Variants in TAFA2 observed in about 807,000 individuals in gnomAD.
The protein encoded by TAFA2 is TAFA chemokine like family member 2, also known as chemokine-like protein TAFA-2.
In TAFA2, 7 loss-of-function variants were observed where a neutral mutation model predicts 18.8. That is an observed-to-expected ratio of 0.37 (90% CI 0.21 to 0.70). TAFA2 has a LOEUF of 0.70. TAFA2 is among the 30% of genes least tolerant of loss of function. TAFA2 has a pLI of 0.53. For missense variants in TAFA2, 122 were observed against 158.1 expected (o/e 0.77, Z 1.23); for synonymous variants, 60 against 54.2 (o/e 1.11, Z -0.47).
intron 1 of TAFA2, among the ~76,000 whole-genome samples, chr12:61,956,925 C>A (rs866819207): frequency 2.4e-4 from 37 of 152,120 alleles, no homozygotes; most frequent in African/African-American, 7.0e-4. Flanking sequence ...AAATTACTCA[C>A]ACATTATCTA....
At chr12:61,712,895 G>A (rs1869480475) in intron 4 of TAFA2, among the ~76,000 whole-genome samples, 1 of 152,098 alleles carries the variant, frequency 6.6e-6, no homozygotes, top group East Asian at 1.9e-4. Context: ...CAGAATGGCA[G>A]TATTGCCATG....
chr12:62,063,742 A>G (rs1191583500), intron 1 of TAFA2, among the ~76,000 whole-genome samples: 1 of 152,154 alleles, frequency 6.6e-6, no homozygotes, highest in Admixed American at 6.6e-5. Context: ...CAAATTTCCT[A>G]TAATCAAAAA....
intron 1 of TAFA2, among the ~76,000 whole-genome samples, chr12:62,211,351 A>G (rs2062712479): frequency 6.6e-6 from 1 of 152,144 alleles, no homozygotes; most frequent in Admixed American, 6.5e-5. Context: ...AGGCCAAGGC[A>G]GGTGGATCAA....
intron 1 of TAFA2, among the ~76,000 whole-genome samples, chr12:62,138,266 A>G (rs964930944): frequency 1.3e-5 from 2 of 152,158 alleles, no homozygotes; most frequent in Non-Finnish European, 2.9e-5. Context: ...CCTAGGCAAC[A>G]CAGTGGGACC....
At chr12:62,229,328 T>A (rs1173103362) in intron 1 of TAFA2, among the ~76,000 whole-genome samples, 1 of 152,160 alleles carries the variant, frequency 6.6e-6, no homozygotes, top group Non-Finnish European at 1.5e-5. Flanking sequence ...TTTTTCCCCA[T>A]TCACTATAAT....
chr12:62,107,423 C>T (rs1344064143), intron 1 of TAFA2, among the ~76,000 whole-genome samples: 1 of 152,068 alleles, frequency 6.6e-6, no homozygotes, highest in Admixed American at 6.5e-5. Context: ...AATTCTGTCC[C>T]CAAAATAAAA....
intron 2 of TAFA2, among the ~76,000 whole-genome samples, chr12:61,793,128 T>C (rs1482473498): frequency 6.6e-6 from 1 of 151,556 alleles, no homozygotes; most frequent in Non-Finnish European, 1.5e-5. Context: ...AGGCACCTTA[T>C]AGCACTAAGC....
chr12:61,735,029 T>C (rs184569160), intron 4 of TAFA2, among the ~76,000 whole-genome samples: 8 of 152,086 alleles, frequency 5.3e-5, no homozygotes, highest in Non-Finnish European at 8.8e-5. Context: ...GTTCTTGGAG[T>C]TGTTTGGCCA....
At chr12:61,906,552 A>T (rs1029671472) in intron 1 of TAFA2, among the ~76,000 whole-genome samples, 5 of 152,162 alleles carry the variant, frequency 3.3e-5, no homozygotes, top group African/African-American at 9.7e-5. Flanking sequence ...ACAATATGAG[A>T]ACAGACTAAT....
chr12:62,258,777 AAT>A (rs1286779887), exon 1 of TAFA2: 12 of 370,058 alleles, frequency 3.2e-5, no homozygotes, highest in Admixed American at 6.5e-5. Context: ...ATGTAGCTCC[AAT>A]ATATGTTTTC....
intron 4 of TAFA2, among the ~76,000 whole-genome samples, chr12:61,730,892 T>C (rs1447674563): frequency 6.6e-6 from 1 of 152,114 alleles, no homozygotes; most frequent in African/African-American, 2.4e-5. Context: ...CCCTGTCTGT[T>C]GTGCCTTCTG....
chr12:61,799,745 C>T (rs1021699488), intron 2 of TAFA2, among the ~76,000 whole-genome samples: 1 of 152,108 alleles, frequency 6.6e-6, no homozygotes, highest in African/African-American at 2.4e-5. Flanking sequence ...TGGCATGAAC[C>T]CGGGAGGCGG....
At chr12:62,259,537 T>C (rs2062973104), upstream of TAFA2, 1 of 152,260 alleles carries the variant, frequency 6.6e-6, no homozygotes, top group Non-Finnish European at 1.5e-5. Flanking sequence ...TTTTCTATTT[T>C]GTAACATAAT....
At chr12:61,792,542 A>G (rs922212879) in intron 2 of TAFA2, among the ~76,000 whole-genome samples, 2 of 151,482 alleles carry the variant, frequency 1.3e-5, no homozygotes, top group Non-Finnish European at 3.0e-5. Context: ...AAAATTTTTT[A>G]AAAGAAATTA....
At chr12:61,936,499 T>C (rs528186225) in intron 1 of TAFA2, among the ~76,000 whole-genome samples, 1 of 152,002 alleles carries the variant, frequency 6.6e-6, no homozygotes, top group African/African-American at 2.4e-5. Flanking sequence ...ACCCAGGAGA[T>C]GAAGGTTGCA....
At chr12:61,769,388 G>C (rs1273511981) in intron 2 of TAFA2, among the ~76,000 whole-genome samples, 1 of 151,824 alleles carries the variant, frequency 6.6e-6, no homozygotes, top group African/African-American at 2.4e-5. Context: ...TACCACAGCT[G>C]ATGCTCTCTT....
intron 1 of TAFA2, among the ~76,000 whole-genome samples, chr12:61,903,151 C>T (rs1876183447): frequency 1.3e-5 from 2 of 152,112 alleles, no homozygotes; most frequent in African/African-American, 4.8e-5. Context: ...CACTGCCCCA[C>T]TTGAAAAATT....
At chr12:62,181,255 A>G (rs2136951429) in intron 1 of TAFA2, among the ~76,000 whole-genome samples, 1 of 152,298 alleles carries the variant, frequency 6.6e-6, no homozygotes, top group South Asian at 2.1e-4. Context: ...AAACATATAA[A>G]GCTACACTCT....
chr12:61,883,042 AC>A (rs2121277060), intron 1 of TAFA2, among the ~76,000 whole-genome samples: 1 of 152,310 alleles, frequency 6.6e-6, no homozygotes, highest in African/African-American at 2.4e-5. Flanking sequence ...ACGTTATTAA[AC>A]ATCTACTGTT....
Sources: gnomAD v4.1 joint callset for allele counts (sites outside exome capture counted in the v4.1 genomes callset) on GRCh38, gnomAD v4.1.1 for gene constraint, MANE v1.5 for transcripts, NCBI Gene and HGNC (gene_info 2026-07-23, HGNC 2026-07-21) for gene names.